Variants in SCN9A observed in about 807,000 individuals in gnomAD.
SCN9A encodes the protein sodium channel protein type 9 subunit alpha.
A neutral mutation model predicts 187.0 loss-of-function variants in SCN9A; 131 were observed. The observed-to-expected ratio is 0.70, with a 90% confidence interval of 0.61 to 0.81. The LOEUF is 0.81. SCN9A is among the 30% of genes least tolerant of loss of function. SCN9A has a pLI of 0.00. For missense variants in SCN9A, 2,252 were observed against 2,396.6 expected (o/e 0.94, Z 1.26); for synonymous variants, 809 against 808.6 (o/e 1.00, Z -0.01).
At chr2:166,258,776 A>G (rs1445415585) in intron 17 of SCN9A, among the ~76,000 whole-genome samples, 1 of 151,776 alleles carries the variant, frequency 6.6e-6, no homozygotes, top group South Asian at 2.1e-4. Flanking sequence ...TATGCCAGAA[A>G]CACTTCTTCC....
At chr2:166,270,888 G>C (rs1040245144) in intron 17 of SCN9A, among the ~76,000 whole-genome samples, 1 of 151,822 alleles carries the variant, frequency 6.6e-6, no homozygotes, top group African/African-American at 2.4e-5. Flanking sequence ...GTAAATATCT[G>C]TCAAATACTT....
chr2:166,249,430 AAT>A (rs1436572105), intron 18 of SCN9A: 3 of 152,142 alleles, frequency 2.0e-5, no homozygotes, highest in African/African-American at 7.2e-5. Flanking sequence ...TGATTATGTG[AAT>A]ACACGGTTGA....
intron 15 of SCN9A, 161 bp downstream of exon 15, chr2:166,277,979 T>C (rs1697312109): frequency 1.8e-6 from 1 of 557,058 alleles, no homozygotes; most frequent in Non-Finnish European, 3.0e-6. Flanking sequence ...GTGGTTTTAG[T>C]TCTTTAAGTG....
intron 1 of SCN9A, among the ~76,000 whole-genome samples, chr2:166,333,678 C>A (rs1421778773): frequency 6.6e-6 from 1 of 151,906 alleles, no homozygotes; most frequent in Non-Finnish European, 1.5e-5. Context: ...ATATTTTGAT[C>A]TACAACTTTT....
chr2:166,371,559 G>A (rs1700563930), intron 1 of SCN9A, among the ~76,000 whole-genome samples: 1 of 152,142 alleles, frequency 6.6e-6, no homozygotes, highest in African/African-American at 2.4e-5. Context: ...CACCAAAATT[G>A]TTATCTCATA....
intron 3 of SCN9A, 51 bp downstream of exon 3, chr2:166,306,905 A>C: frequency 9.3e-7 from 1 of 1,071,708 alleles, no homozygotes; most frequent in African/African-American, 1.6e-5. Context: ...ATAAAATAGC[A>C]AAAATTACAC....
chr2:166,227,788 G>GT (rs1348906822), intron 22 of SCN9A, 65 bp from the exon 23 acceptor site: 1 of 819,228 alleles, frequency 1.2e-6, no homozygotes, highest in African/African-American at 1.7e-5. Context: ...CATAAACAGA[G>GT]TTTTGTCTGT....
At chr2:166,355,339 A>T (rs1022370486) in intron 1 of SCN9A, among the ~76,000 whole-genome samples, 5 of 152,154 alleles carry the variant, frequency 3.3e-5, no homozygotes, top group African/African-American at 1.2e-4. Flanking sequence ...TTTTCCCACA[A>T]TGTTAAGTAT....
At chr2:166,324,954 G>A (rs988126989) in intron 1 of SCN9A, among the ~76,000 whole-genome samples, 26 of 152,120 alleles carry the variant, frequency 1.7e-4, no homozygotes, top group African/African-American at 5.8e-4. Context: ...TCTGAATAGG[G>A]TAAGGGCATT....
intron 1 of SCN9A, among the ~76,000 whole-genome samples, chr2:166,355,650 A>G (rs530350892): frequency 6.3e-4 from 96 of 152,256 alleles, no homozygotes; most frequent in Non-Finnish European, 1.2e-3. Flanking sequence ...ATAGAAATAT[A>G]TAATTACTCT....
intron 21 of SCN9A, among the ~76,000 whole-genome samples, chr2:166,232,049 G>A (rs1230475873): frequency 1.3e-5 from 2 of 152,196 alleles, no homozygotes; most frequent in Non-Finnish European, 2.9e-5. Flanking sequence ...ACAGATAGGT[G>A]TTTGTCTGCT....
Position 166,306,494 on chromosome 2 carries a change from A to G in SCN9A, c.467+16T>C, listed in dbSNP as rs761116601. ...TAATACCAAAACTATATTAAAATGT[A>G]CTTATACCCACTTACTCGACATTTT... On this transcript the variant is annotated intron_variant, in intron 4 of 26. Transcript: ENST00000642356. 5 of 1,323,768 alleles carry G rather than the reference A, an allele frequency of 3.8e-6. No individual in the cohort carries two copies. The highest frequency in any genetic ancestry group is 3.9e-5 in the Admixed American group (2 of 51,282). The allele number at this position is 1,323,768 out of a possible 1,614,324, so 82.0% of individuals were successfully genotyped here.
intron 1 of SCN9A, among the ~76,000 whole-genome samples, chr2:166,315,314 G>T (rs1699082391): frequency 6.6e-6 from 1 of 152,168 alleles, no homozygotes; most frequent in Non-Finnish European, 1.5e-5. Flanking sequence ...GTACAAAGAT[G>T]TTGTGAACTC....
At chr2:166,253,372 A>T (rs1473068339) in intron 17 of SCN9A, among the ~76,000 whole-genome samples, 1 of 151,826 alleles carries the variant, frequency 6.6e-6, no homozygotes, top group Non-Finnish European at 1.5e-5. Flanking sequence ...TTATGAAAGT[A>T]TCAGTACAAA....
chr2:166,283,479 G>C (rs1264411314), intron 12 of SCN9A, among the ~76,000 whole-genome samples: 3 of 152,108 alleles, frequency 2.0e-5, no homozygotes, highest in Non-Finnish European at 4.4e-5. Flanking sequence ...TGCTGATATT[G>C]GTAATGCAGC....
chr2:166,229,686 A>G (rs1694998315), intron 21 of SCN9A, among the ~76,000 whole-genome samples: 1 of 152,188 alleles, frequency 6.6e-6, no homozygotes, highest in African/African-American at 2.4e-5. Flanking sequence ...CTAAATATAT[A>G]TAGTGCTGGC....
intron 24 of SCN9A, among the ~76,000 whole-genome samples, chr2:166,218,396 A>G (rs1282334159): frequency 6.6e-6 from 1 of 151,538 alleles, no homozygotes; most frequent in Non-Finnish European, 1.5e-5. Context: ...GTACCCTAGA[A>G]CTTAAAGTAA....
chr2:166,238,751 A>C (rs781028424), intron 19 of SCN9A, among the ~76,000 whole-genome samples: 3 of 152,214 alleles, frequency 2.0e-5, no homozygotes, highest in Non-Finnish European at 4.4e-5. Flanking sequence ...TAACAGCAGC[A>C]GGAAAGGAAA....
chr2:166,363,915 A>G (rs775464792), intron 1 of SCN9A, among the ~76,000 whole-genome samples: 59 of 152,122 alleles, frequency 3.9e-4, no homozygotes, highest in Non-Finnish European at 7.1e-4. Context: ...AATCCATATG[A>G]TGGGAGAAAA....
Sources: allele counts gnomAD v4.1 joint callset (sites outside exome capture counted in the v4.1 genomes callset), GRCh38; gene constraint gnomAD v4.1.1; transcripts MANE v1.5; gene names NCBI Gene and HGNC (gene_info 2026-07-23, HGNC 2026-07-21).